Variants in ANKH observed in about 807,000 individuals in gnomAD.
ANKH encodes mineralization regulator ANKH.
Under a neutral mutation model 49.0 loss-of-function variants are expected in ANKH, and 15 were observed. That is an observed-to-expected ratio of 0.31 (90% confidence interval 0.20 to 0.47). ANKH has a LOEUF of 0.47. ANKH is among the 20% of genes least tolerant of loss of function. ANKH has a pLI of 1.00. For synonymous variants in ANKH, 273 were observed against 260.0 expected (o/e 1.05, Z -0.48); for missense variants, 429 against 652.0 (o/e 0.66, Z 3.72).
chr5:14,803,414 G>C (rs979340558), intron 1 of ANKH, among the ~76,000 whole-genome samples: 1 of 152,026 alleles, frequency 6.6e-6, no homozygotes, highest in African/African-American at 2.4e-5. Flanking sequence ...TGAGTAGCTG[G>C]GACTACAGGC....
At chr5:14,848,032 C>T (rs569001085) in intron 1 of ANKH, among the ~76,000 whole-genome samples, 3 of 152,176 alleles carry the variant, frequency 2.0e-5, no homozygotes, top group South Asian at 2.1e-4. Context: ...TCCAGCTACT[C>T]GGGAGGCTGA....
At chr5:14,841,980 A>G (rs1741827668) in intron 1 of ANKH, among the ~76,000 whole-genome samples, 1 of 152,244 alleles carries the variant, frequency 6.6e-6, no homozygotes, top group African/African-American at 2.4e-5. Context: ...CTAGGGAGTT[A>G]GTCTTAAGAA....
chr5:14,770,560 G>C lies in ANKH; in HGVS notation c.97-1369C>G, dbSNP rs371945560. Reference sequence around the variant, plus strand: ...ATTATAATAAAAGTTTTATCAATGTGGTCTTTCTCTCAAAATATCTTACTG... The same window carrying C: ...ATTATAATAAAAGTTTTATCAATGTCGTCTTTCTCTCAAAATATCTTACTG... On this transcript the variant is annotated intron_variant, in intron 1 of 11. Coordinates refer to ENST00000284268, the MANE Select transcript of ANKH (RefSeq NM_054027.6). The surrounding 1 kb of genome is among the most constrained non-coding windows in gnomAD (Gnocchi z 4.1). Among the ~76,000 whole-genome samples the C allele has an allele frequency of 1.3e-5, 2 of 152,104 alleles. No individual in the cohort carries two copies. The highest frequency in any genetic ancestry group is 4.8e-5 in the African/African-American group (2 of 41,410).
intron 1 of ANKH, among the ~76,000 whole-genome samples, chr5:14,790,789 T>C (rs1740140464): frequency 6.6e-6 from 1 of 152,144 alleles, no homozygotes; most frequent in Non-Finnish European, 1.5e-5. Context: ...TTTGTATTTT[T>C]AGTAGAGACA....
chr5:14,774,447 T>A (rs1051313003), intron 1 of ANKH, among the ~76,000 whole-genome samples: 2 of 152,144 alleles, frequency 1.3e-5, no homozygotes, highest in Non-Finnish European at 2.9e-5. Flanking sequence ...TATTATTATT[T>A]TTTTCCTCAA....
At chr5:14,747,254 G>A (rs1323828024) in intron 6 of ANKH, among the ~76,000 whole-genome samples, 1 of 152,076 alleles carries the variant, frequency 6.6e-6, no homozygotes, top group Admixed American at 6.6e-5. Context: ...TACATATTTT[G>A]TGCAGAAAGC....
chr5:14,800,829 C>T (rs1337099503), intron 1 of ANKH, among the ~76,000 whole-genome samples: 1 of 151,162 alleles, frequency 6.6e-6, no homozygotes, highest in Non-Finnish European at 1.5e-5. Flanking sequence ...TGGGCTCAAG[C>T]AATCCTCCCA....
intron 8 of ANKH, among the ~76,000 whole-genome samples, chr5:14,724,115 C>T (rs776230863): frequency 3.9e-5 from 6 of 152,190 alleles, no homozygotes; most frequent in African/African-American, 7.2e-5. Flanking sequence ...GTCAAGAGTT[C>T]GAGACCAGCC....
intron 1 of ANKH, among the ~76,000 whole-genome samples, chr5:14,820,786 T>G (rs995477647): frequency 1.1e-4 from 16 of 152,308 alleles, no homozygotes; most frequent in African/African-American, 2.9e-4. Context: ...TTTTGTCAGT[T>G]TCTACCATAA....
rs540424732 is a variant in ANKH at position 14,720,245 on chromosome 5, T to C, written c.1012-3410A>G. ...CAAAAATGGCAGAGGTACTATCTCA[T>C]TTAATCCTACTGCTTGATGACAGTA... is the stretch of plus-strand genomic sequence containing the variant. On this transcript the variant is annotated intron_variant, in intron 8 of 11. Transcript: ENST00000284268. 8.5e-5 allele frequency among the ~76,000 whole-genome samples: 13 copies of C among 152,322 alleles called. No homozygotes were observed. The East Asian group carries it at 1.7e-3, about 20-fold the overall frequency.
intron 1 of ANKH, among the ~76,000 whole-genome samples, chr5:14,816,288 T>A: frequency 6.6e-6 from 1 of 152,212 alleles, no homozygotes; most frequent in African/African-American, 2.4e-5. Context: ...TATCCTCACA[T>A]GCAAAATCAA....
intron 1 of ANKH, among the ~76,000 whole-genome samples, chr5:14,848,649 C>G (rs566720090): frequency 1.3e-5 from 2 of 152,306 alleles, no homozygotes; most frequent in African/African-American, 4.8e-5. Context: ...GGCTGGGGCT[C>G]GCCATTGTTC....
At chr5:14,717,762 C>T (rs551549823) in intron 8 of ANKH, among the ~76,000 whole-genome samples, 127 of 152,216 alleles carry the variant, frequency 8.3e-4, no homozygotes, top group Non-Finnish European at 1.6e-3. Flanking sequence ...GTTTTAGATT[C>T]TGAATTTTTC....
At chr5:14,723,615 A>T (rs2126431567) in intron 8 of ANKH, among the ~76,000 whole-genome samples, 1 of 152,224 alleles carries the variant, frequency 6.6e-6, no homozygotes, top group East Asian at 1.9e-4. Context: ...CTCCAGCCTG[A>T]GTGACAAGAT....
intron 2 of ANKH, 125 bp from the exon 3 acceptor site, chr5:14,758,723 G>A (rs1184436556): frequency 8.9e-6 from 7 of 784,072 alleles, no homozygotes; most frequent in Middle Eastern, 3.2e-4. Context: ...AATTAGATAA[G>A]CAAATAGAAA....
At position 14,741,854 on chromosome 5, in the gene ANKH, G is replaced by A; in HGVS notation, c.984C>T (p.Thr328=). Residue 328 remains threonine (T), a synonymous_variant, in exon 8 of 12, where the codon ACC becomes ACT. Coordinates refer to ENST00000284268, the MANE Select transcript of ANKH (RefSeq NM_054027.6). The stretch of plus-strand genomic sequence containing the variant: ...TGAGTGACAGAGCCATGCAGACGAA[G>A]GTGAACTTCTTGATGTGGGCTGCCG... The part of the protein sequence containing the change: ...TVTAAHIKKF[T]FVCMALSLTL... 1 of 1,614,118 alleles carries A rather than the reference G, an allele frequency of 6.2e-7. No homozygotes were observed.
intron 1 of ANKH, among the ~76,000 whole-genome samples, chr5:14,776,354 C>G (rs1281531250): frequency 6.6e-6 from 1 of 152,106 alleles, no homozygotes; most frequent in African/African-American, 2.4e-5. Flanking sequence ...AGTCTGGAGT[C>G]TGGAGGGTCG....
intron 8 of ANKH, among the ~76,000 whole-genome samples, chr5:14,736,631 C>T (rs1160243914): frequency 6.6e-6 from 1 of 152,176 alleles, no homozygotes; most frequent in Non-Finnish European, 1.5e-5. Context: ...CAGTCTCTCT[C>T]CCTTCTCCTT....
rs752770046 is a variant in ANKH at position 14,845,348 on chromosome 5, G to GTATATA, written c.96+25998_96+26003dup. Among the ~76,000 whole-genome samples, 76 of 92,262 alleles carry GTATATA rather than the reference G, an allele frequency of 8.2e-4. 1 individual carries two copies. The highest frequency in any genetic ancestry group is 5.5e-3 in the Middle Eastern group (1 of 182). The allele number at this position is 92,262 out of a possible 152,430, so 60.5% of individuals were successfully genotyped here. ...AGAAGAAACCCTGCTAGTTTCATGT[G>GTATATA]TATATATATATATATATATTTTTTT... On this transcript the variant is annotated intron_variant, in intron 1 of 11. Transcript: ENST00000284268.
Sources: gnomAD v4.1 joint callset for allele counts (sites outside exome capture counted in the v4.1 genomes callset) on GRCh38, gnomAD v4.1.1 for gene constraint, Gnocchi (gnomAD v3.1) non-coding constraint, MANE v1.5 for transcripts, NCBI Gene and HGNC (gene_info 2026-07-23, HGNC 2026-07-21) for gene names.